The following SUGCT variants were observed in gnomAD, a reference collection of about 807,000 sequenced individuals.
SUGCT encodes the protein succinyl-CoA:glutarate-CoA transferase.
SUGCT carries 41 observed loss-of-function variants against 55.0 expected under a neutral mutation model. The observed-to-expected ratio is 0.74, with a 90% CI of 0.58 to 0.97. The LOEUF (loss-of-function observed/expected upper bound fraction) is 0.97, where lower values mean the gene tolerates loss of function less well. SUGCT is among the 50% of genes least tolerant of loss of function. SUGCT has a pLI of 0.00. For synonymous variants in SUGCT, 187 were observed against 200.4 expected (o/e 0.93, Z 0.56); for missense variants, 568 against 547.8 (o/e 1.04, Z -0.37).
intron 9 of SUGCT, among the ~76,000 whole-genome samples, chr7:40,372,499 T>C (rs893360101): frequency 6.6e-6 from 1 of 152,128 alleles, no homozygotes; most frequent in African/African-American, 2.4e-5. Context: ...GAGCTGTTTA[T>C]GTTATTTACA....
At chr7:40,317,517 G>A (rs1157847725) in intron 9 of SUGCT, among the ~76,000 whole-genome samples, 1 of 152,068 alleles carries the variant, frequency 6.6e-6, no homozygotes, top group African/African-American at 2.4e-5. Flanking sequence ...CATATCTCCT[G>A]TACTCTATTG....
intron 12 of SUGCT, among the ~76,000 whole-genome samples, chr7:40,500,355 G>A (rs1244416296): frequency 6.6e-6 from 1 of 152,048 alleles, no homozygotes; most frequent in Non-Finnish European, 1.5e-5. Context: ...TCTATTGGGA[G>A]GAAAATATCA....
chr7:40,759,821 C>T (rs553982290), intron 13 of SUGCT, among the ~76,000 whole-genome samples: 16 of 151,270 alleles, frequency 1.1e-4, no homozygotes, highest in South Asian at 1.0e-3. Context: ...TTTGGGATTA[C>T]GTGGGTTTTT....
intron 12 of SUGCT, among the ~76,000 whole-genome samples, chr7:40,591,902 G>A (rs919642621): frequency 6.6e-5 from 10 of 152,088 alleles, no homozygotes; most frequent in African/African-American, 2.4e-4. Context: ...ATATGCACTG[G>A]AAACCACAAA....
chr7:40,486,281 T>C (rs557980685), intron 11 of SUGCT, among the ~76,000 whole-genome samples: 1 of 152,296 alleles, frequency 6.6e-6, no homozygotes, highest in South Asian at 2.1e-4. Context: ...TGTAATAATC[T>C]CTCATGATCA....
intron 10 of SUGCT, 56 bp downstream of exon 10, chr7:40,449,414 C>A: frequency 7.1e-7 from 1 of 1,398,952 alleles, no homozygotes; most frequent in African/African-American, 1.4e-5. Context: ...AGGGAAAGTT[C>A]AGTTTTGCCC....
intron 13 of SUGCT, among the ~76,000 whole-genome samples, chr7:40,794,538 A>T (rs1004881228): frequency 6.6e-6 from 1 of 152,108 alleles, no homozygotes; most frequent in African/African-American, 2.4e-5. Flanking sequence ...CATCTTGTAC[A>T]ACCCTTAAGC....
the SUGCT span, among the ~76,000 whole-genome samples, chr7:41,011,181 C>A: frequency 2.2e-3 from 340 of 152,230 alleles, 1 homozygote; most frequent in African/African-American, 7.9e-3. Context: ...GTGGAATTCC[C>A]TCTGGAGAGG....
rs530455909 is a variant in SUGCT, at chr7:40,377,128, CTCTTTCTTTCTTTCTTTCTT to C, written c.816+60327_816+60346del. Among the ~76,000 whole-genome samples, 24 of 6,324 alleles carry C rather than the reference CTCTTTCTTTCTTTCTTTCTT, an allele frequency of 3.8e-3. 8 individuals are homozygous for C. Among genetic ancestry groups the C allele is most frequent in the Admixed American group, 0.011 (3 of 272 alleles). The allele number at this position is 6,324 out of a possible 152,430, so 4.1% of individuals were successfully genotyped here. A position where few individuals can be genotyped will look rare whatever the true frequency, so the allele number is the denominator to read the frequency against. On this transcript the variant is annotated intron_variant, in intron 9 of 13. Coordinates refer to ENST00000335693, the MANE Select transcript of SUGCT (RefSeq NM_001193313.2). ...CTTGGAAAGGAAATTTTCAGCCTTC[CTCTTTCTTTCTTTCTTTCTT>C]TCTTTCTTTCTTTCTTTCTTTCTTT...
chr7:40,563,960 A>T (rs1248089175), intron 12 of SUGCT, among the ~76,000 whole-genome samples: 3 of 152,230 alleles, frequency 2.0e-5, no homozygotes, highest in African/African-American at 7.2e-5. Flanking sequence ...AGTCCTTAAA[A>T]GTCCACAGCA....
chr7:40,824,658 T>G lies in SUGCT; in HGVS notation c.1154-35658T>G, dbSNP rs531465466. Among the ~76,000 whole-genome samples the G allele has an allele frequency of 7.2e-5, 11 of 152,352 alleles. No homozygotes were observed. In the South Asian group the frequency reaches 2.1e-3, roughly 29 times the overall value. ...AGAACACCAAAGAATGAGTAATATA[T>G]AATAAACAGAGTTTTATTGGTTTGT... is the stretch of plus-strand genomic sequence containing the variant. On this transcript the variant is annotated intron_variant, in intron 13 of 13. Coordinates refer to ENST00000335693, the MANE Select transcript of SUGCT (RefSeq NM_001193313.2).
chr7:40,278,005 G>A (rs10259839), intron 8 of SUGCT, among the ~76,000 whole-genome samples: 151,404 of 152,220 alleles, frequency 0.99, 75,298 homozygotes, highest in East Asian at 1. Flanking sequence ...ATGTCCCTAC[G>A]AAGGACATGA....
chr7:40,373,869 T>C (rs149537969), intron 9 of SUGCT, among the ~76,000 whole-genome samples: 21 of 152,310 alleles, frequency 1.4e-4, no homozygotes, highest in African/African-American at 4.1e-4. Context: ...AAGTGCAAGT[T>C]GAATTCATTA....
At chr7:40,834,498 C>T (rs1451475274) in intron 13 of SUGCT, among the ~76,000 whole-genome samples, 1 of 152,070 alleles carries the variant, frequency 6.6e-6, no homozygotes, top group African/African-American at 2.4e-5. Context: ...TTTTATTTAA[C>T]TAAAAACTAA....
intron 13 of SUGCT, among the ~76,000 whole-genome samples, chr7:40,803,910 T>C (rs1481708502): frequency 1.3e-5 from 2 of 152,216 alleles, no homozygotes; most frequent in African/African-American, 4.8e-5. Flanking sequence ...ATTACATTAC[T>C]TTTGGAAGAG....
At chr7:40,229,222 T>C (rs1351281625) in intron 6 of SUGCT, among the ~76,000 whole-genome samples, 1 of 152,028 alleles carries the variant, frequency 6.6e-6, no homozygotes, top group Non-Finnish European at 1.5e-5. Flanking sequence ...AAAATAAATA[T>C]TAAAAAAGAA....
chr7:41,016,750 C>G, the SUGCT span, among the ~76,000 whole-genome samples: 2 of 152,134 alleles, frequency 1.3e-5, no homozygotes, highest in African/African-American at 4.8e-5. Flanking sequence ...CATTGTTCTC[C>G]TCCAGATTTT....
the SUGCT span, among the ~76,000 whole-genome samples, chr7:40,915,529 TG>T: frequency 3.9e-5 from 6 of 152,234 alleles, no homozygotes; most frequent in African/African-American, 1.2e-4. Flanking sequence ...AGGCTAATAA[TG>T]GGGACAGTTT....
intron 12 of SUGCT, among the ~76,000 whole-genome samples, chr7:40,706,404 G>T (rs905513486): frequency 9.9e-5 from 15 of 152,154 alleles, no homozygotes; most frequent in Admixed American, 1.3e-4. Flanking sequence ...CTACTCGGGT[G>T]GCTAGGCAGG....
Sources: allele counts gnomAD v4.1 joint callset (sites outside exome capture counted in the v4.1 genomes callset), GRCh38; gene constraint gnomAD v4.1.1; transcripts MANE v1.5; gene names NCBI Gene and HGNC (gene_info 2026-07-23, HGNC 2026-07-21).